Variants in OPCML observed in about 807,000 individuals in gnomAD.
OPCML encodes the protein opioid binding protein/cell adhesion molecule like.
A neutral mutation model predicts 37.8 loss-of-function variants in OPCML; 13 were observed. The ratio of observed to expected loss-of-function variants is 0.34; its 90% CI spans 0.22 to 0.55. The LOEUF is 0.55. OPCML is among the 20% of genes least tolerant of loss of function. The pLI is 0.91. For synonymous variants in OPCML, 176 were observed against 168.8 expected, an observed-to-expected ratio of 1.04 and a Z score of -0.33; for missense variants, 341 against 435.6, an observed-to-expected ratio of 0.78 and a Z score of 1.93.
intron 2 of OPCML, among the ~76,000 whole-genome samples, chr11:132,828,900 G>A (rs756339933): frequency 6.6e-6 from 1 of 152,208 alleles, no homozygotes; most frequent in Non-Finnish European, 1.5e-5. Context: ...TGTGGCAGAT[G>A]TTGAAGACAG....
intron 1 of OPCML, among the ~76,000 whole-genome samples, chr11:133,215,147 T>C (rs997192721): frequency 6.6e-6 from 1 of 152,148 alleles, no homozygotes; most frequent in African/African-American, 2.4e-5. Flanking sequence ...ACGTCCTTCC[T>C]TCCAGGCTTA....
At chr11:132,517,378 T>C (rs1591493605) in intron 4 of OPCML, among the ~76,000 whole-genome samples, 1 of 152,286 alleles carries the variant, frequency 6.6e-6, no homozygotes, top group East Asian at 1.9e-4. Flanking sequence ...TCAAGGGTGC[T>C]CATCCAGGAG....
At chr11:132,524,811 T>C (rs1382602962) in intron 4 of OPCML, among the ~76,000 whole-genome samples, 7 of 152,202 alleles carry the variant, frequency 4.6e-5, no homozygotes, top group African/African-American at 1.7e-4. Context: ...GATCCACCTT[T>C]GGAAACTTGG....
intron 4 of OPCML, among the ~76,000 whole-genome samples, chr11:132,447,527 CTCG>C (rs2096058647): frequency 6.7e-6 from 1 of 149,872 alleles, no homozygotes; most frequent in Non-Finnish European, 1.5e-5. Context: ...CCAGGCTGGT[CTCG>C]AACTCCTGAG....
At position 132,794,828 on chromosome 11, in the gene OPCML, C is replaced by T. The variant is rs1001374617; in HGVS notation, c.147-137509G>A. On this transcript the variant is annotated intron_variant, in intron 2 of 7. Transcript: ENST00000524381. Reference sequence around the variant, plus strand: ...AAGTTTTGTATATTCAAACAATGCACTTTATACAACTTAAAATGAGTGAAC... The same window carrying T: ...AAGTTTTGTATATTCAAACAATGCATTTTATACAACTTAAAATGAGTGAAC... 2.6e-5 allele frequency among the ~76,000 whole-genome samples: 4 copies of T among 151,506 alleles called. No individual in the cohort carries two copies. The South Asian group carries it at 8.4e-4, about 32-fold the overall frequency.
At chr11:132,952,434 C>G (rs1341046074) in intron 1 of OPCML, among the ~76,000 whole-genome samples, 1 of 152,198 alleles carries the variant, frequency 6.6e-6, no homozygotes, top group Admixed American at 6.5e-5. Flanking sequence ...ACAATTAATG[C>G]AGGAAATCCA....
chr11:133,446,066 T>C (rs1053961273), intron 1 of OPCML, among the ~76,000 whole-genome samples: 11 of 152,208 alleles, frequency 7.2e-5, no homozygotes, highest in African/African-American at 2.7e-4. Context: ...TTTAGAAGTA[T>C]GTTCTGCTCA....
At chr11:132,473,662 C>T (rs2136971394) in intron 4 of OPCML, among the ~76,000 whole-genome samples, 1 of 152,152 alleles carries the variant, frequency 6.6e-6, no homozygotes, top group African/African-American at 2.4e-5. Context: ...TCTGTCTCTA[C>T]AAAAAATTTT....
intron 1 of OPCML, among the ~76,000 whole-genome samples, chr11:133,314,841 C>T (rs929949011): frequency 6.6e-6 from 1 of 152,202 alleles, no homozygotes; most frequent in Non-Finnish European, 1.5e-5. Context: ...AGAGAGTGGG[C>T]TGTAATTTTA....
At chr11:133,329,595 A>G (rs537586019) in intron 1 of OPCML, among the ~76,000 whole-genome samples, 1 of 152,092 alleles carries the variant, frequency 6.6e-6, no homozygotes, top group African/African-American at 2.4e-5. Flanking sequence ...GGAAAGGATT[A>G]CCTATTTAAT....
chr11:133,115,487 G>A (rs1477741368), intron 1 of OPCML, among the ~76,000 whole-genome samples: 1 of 152,148 alleles, frequency 6.6e-6, no homozygotes, highest in South Asian at 2.1e-4. Context: ...GAAGTCGAAT[G>A]TGATTAACAA....
At chr11:132,928,940 T>C (rs551155134) in intron 2 of OPCML, among the ~76,000 whole-genome samples, 1 of 151,470 alleles carries the variant, frequency 6.6e-6, no homozygotes, top group South Asian at 2.1e-4. Context: ...CCAAAAGTTA[T>C]AGGATGCAAT....
At position 133,422,520 on chromosome 11, in the gene OPCML, A is replaced by T. The variant is rs775829413; in HGVS notation, c.61+109744T>A. ...AGGAACCACTCATTTCTGTTTTTAG[A>T]GACGGGGTCCTGCTCTACCGCCCAG... On this transcript the variant is annotated intron_variant, in intron 1 of 7. Coordinates refer to ENST00000524381, the MANE Select transcript of OPCML (RefSeq NM_001012393.5). The T allele has an allele frequency of 2.3e-5, 23 of 980,158 alleles. No individual in the cohort carries two copies. The African/African-American group carries it at 3.4e-4, about 14-fold the overall frequency. The allele number at this position is 980,158 out of a possible 1,614,324, so 60.7% of individuals were successfully genotyped here. A position where few individuals can be genotyped will look rare whatever the true frequency, so the allele number is the denominator to read the frequency against.
intron 1 of OPCML, among the ~76,000 whole-genome samples, chr11:132,945,304 C>CTAT (rs1222610107): frequency 6.6e-6 from 1 of 152,212 alleles, no homozygotes; most frequent in African/African-American, 2.4e-5. Context: ...ATGGTAGAGC[C>CTAT]TATTGCTCCT....
intron 1 of OPCML, among the ~76,000 whole-genome samples, chr11:133,234,074 C>T (rs1454822748): frequency 6.6e-6 from 1 of 152,146 alleles, no homozygotes; most frequent in Non-Finnish European, 1.5e-5. Flanking sequence ...TAGATGTTCC[C>T]TTATCAACAA....
intron 1 of OPCML, among the ~76,000 whole-genome samples, chr11:133,078,247 G>A (rs943592127): frequency 1.3e-5 from 2 of 152,156 alleles, no homozygotes; most frequent in African/African-American, 4.8e-5. Flanking sequence ...GCAGCCGCCC[G>A]GACGATCTGA....
intron 2 of OPCML, among the ~76,000 whole-genome samples, chr11:132,691,890 C>T (rs1943418315): frequency 1.3e-5 from 2 of 152,154 alleles, no homozygotes; most frequent in South Asian, 4.1e-4. Flanking sequence ...ACTTAGAAGT[C>T]TAAGCTCCAG....
intron 2 of OPCML, among the ~76,000 whole-genome samples, chr11:132,880,044 C>T (rs546832143): frequency 2.6e-5 from 4 of 152,224 alleles, no homozygotes; most frequent in Admixed American, 2.6e-4. Flanking sequence ...CACTAAGCTC[C>T]TTCTCCCTCA....
chr11:133,359,953 A>T (rs1166810963), intron 1 of OPCML: 1 of 152,202 alleles, frequency 6.6e-6, no homozygotes, highest in Non-Finnish European at 1.5e-5. Context: ...AGCTATGTGA[A>T]CCCAGTGTGT....
Sources: gnomAD v4.1 joint callset for allele counts (sites outside exome capture counted in the v4.1 genomes callset) on GRCh38, gnomAD v4.1.1 for gene constraint, MANE v1.5 for transcripts, NCBI Gene and HGNC (gene_info 2026-07-23, HGNC 2026-07-21) for gene names.